Variants in EXOC1L observed in about 807,000 individuals in gnomAD.
EXOC1L encodes the protein exocyst complex component 1 like, also known as exocyst complex component 1-like.
In EXOC1L, 10 loss-of-function variants were observed where a neutral mutation model predicts 4.9. That is an observed-to-expected ratio of 2.02 (90% CI 1.25 to 3.43). The LOEUF (loss-of-function observed/expected upper bound fraction) is 3.43, where lower values mean the gene tolerates loss of function less well. EXOC1L is among the 30% of genes most tolerant of loss of function. The pLI is 0.00. For synonymous variants in EXOC1L, 41 were observed against 20.8 expected, an observed-to-expected ratio of 1.97 and a Z score of -2.63; for missense variants, 114 against 59.4, an observed-to-expected ratio of 1.92 and a Z score of -3.02.
intron 1 of EXOC1L, among the ~76,000 whole-genome samples, chr4:55,822,179 T>C (rs1054929615): frequency 2.0e-5 from 3 of 152,172 alleles, no homozygotes; most frequent in Non-Finnish European, 4.4e-5. Context: ...TTAACAAAAA[T>C]ATGTTTAAAT....
At chr4:55,829,822 A>G (rs1428899820) in intron 1 of EXOC1L, among the ~76,000 whole-genome samples, 1 of 152,178 alleles carries the variant, frequency 6.6e-6, no homozygotes, top group Non-Finnish European at 1.5e-5. Flanking sequence ...CCATCCAGAA[A>G]AGAGAATTCA....
intron 2 of EXOC1L, among the ~76,000 whole-genome samples, chr4:55,835,657 T>C (rs1470685589): frequency 6.6e-6 from 1 of 152,102 alleles, no homozygotes; most frequent in East Asian, 1.9e-4. Context: ...TATCTTCTTT[T>C]AAGAATTGCC....
At chr4:55,830,082 A>T (rs557592544) in intron 1 of EXOC1L, among the ~76,000 whole-genome samples, 1 of 152,194 alleles carries the variant, frequency 6.6e-6, no homozygotes, top group South Asian at 2.1e-4. Context: ...CCCATCTCAA[A>T]TTCTATTTCA....
intron 1 of EXOC1L, among the ~76,000 whole-genome samples, chr4:55,829,159 C>T (rs1404500285): frequency 1.3e-5 from 2 of 152,200 alleles, no homozygotes; most frequent in Non-Finnish European, 2.9e-5. Context: ...CCATGACCCA[C>T]ATCCCATGCC....
At chr4:55,832,739 T>C (rs1720066882) in intron 2 of EXOC1L, among the ~76,000 whole-genome samples, 1 of 152,060 alleles carries the variant, frequency 6.6e-6, no homozygotes, top group African/African-American at 2.4e-5. Context: ...ACATAGCTAT[T>C]AAGTGGTAGA....
At chr4:55,823,445 G>T (rs968064359) in intron 1 of EXOC1L, among the ~76,000 whole-genome samples, 1 of 152,082 alleles carries the variant, frequency 6.6e-6, no homozygotes, top group East Asian at 1.9e-4. Flanking sequence ...GTCTGGAAGA[G>T]GTTAGTTTAA....
intron 1 of EXOC1L, among the ~76,000 whole-genome samples, chr4:55,831,096 A>G (rs1265777556): frequency 1.3e-5 from 2 of 152,188 alleles, no homozygotes. Flanking sequence ...TATTTAACAG[A>G]CATTACTGTG....
At chr4:55,823,635 C>T (rs1719802127) in intron 1 of EXOC1L, among the ~76,000 whole-genome samples, 1 of 152,114 alleles carries the variant, frequency 6.6e-6, no homozygotes, top group Non-Finnish European at 1.5e-5. Flanking sequence ...ATTATAGAGC[C>T]AAACATAGTT....
At chr4:55,824,206 GA>G (rs888960249) in intron 1 of EXOC1L, among the ~76,000 whole-genome samples, 4 of 146,592 alleles carry the variant, frequency 2.7e-5, no homozygotes, top group South Asian at 4.6e-4. Flanking sequence ...TCTAAAGGTA[GA>G]AAAAAACACT....
chr4:55,827,790 T>C (rs1019682846), intron 1 of EXOC1L, among the ~76,000 whole-genome samples: 5 of 152,162 alleles, frequency 3.3e-5, no homozygotes, highest in African/African-American at 1.2e-4. Flanking sequence ...GGCATACAAC[T>C]GCCTCCTGGT....
Position 55,831,341 on chromosome 4 carries a change from AAAGG to A in EXOC1L, c.133_136del (p.Glu45LysfsTer2). ...TATTTTTCTGTCCTACAGTGACCAA[AAAGG>A]AAGAAGTAAAAATAGTCATGGTGAA... On this transcript the variant is annotated frameshift_variant, in exon 2 of 3. Transcript: ENST00000636125. LOFTEE classifies it high-confidence loss of function. 1 of 650,632 alleles carries A rather than the reference AAAGG, an allele frequency of 1.5e-6. No individual in the cohort carries two copies. The highest frequency in any genetic ancestry group is 2.7e-6 in the Non-Finnish European group (1 of 364,160). 40.3% of individuals were successfully genotyped at this position (650,632 alleles called of 1,614,324 possible). A position where few individuals can be genotyped will look rare whatever the true frequency, so the allele number is the denominator to read the frequency against.
chr4:55,821,220 A>G (rs1719728681), intron 1 of EXOC1L, among the ~76,000 whole-genome samples: 1 of 152,176 alleles, frequency 6.6e-6, no homozygotes, highest in Non-Finnish European at 1.5e-5. Flanking sequence ...CCCAATAATA[A>G]CATTAGAAAT....
chr4:55,827,943 CT>C (rs1159951027), intron 1 of EXOC1L, among the ~76,000 whole-genome samples: 1 of 152,104 alleles, frequency 6.6e-6, no homozygotes, highest in African/African-American at 2.4e-5. Flanking sequence ...GAGACGGAAA[CT>C]TTTTAGTGCT....
At chr4:55,833,185 A>C (rs1720076558) in intron 2 of EXOC1L, among the ~76,000 whole-genome samples, 1 of 151,912 alleles carries the variant, frequency 6.6e-6, no homozygotes, top group East Asian at 1.9e-4. Flanking sequence ...TATTTATATG[A>C]TAGAATATTA....
Position 55,837,267 on chromosome 4 carries a change from C to T in EXOC1L, c.435C>T (p.Asn145=). The T allele has an allele frequency of 1.4e-6, 1 of 700,338 alleles. No individual in the cohort carries two copies. The highest frequency in any genetic ancestry group is 2.6e-6 in the Non-Finnish European group (1 of 383,566). The allele number at this position is 700,338 out of a possible 1,614,324, so 43.4% of individuals were successfully genotyped here. Residue 145 remains asparagine (N), a synonymous_variant, in exon 3 of 3, where the codon AAC becomes AAT. Coordinates refer to ENST00000636125, the MANE Select transcript of EXOC1L (RefSeq NM_001351574.3). ...YINDDSIWSS[N]NKDCLVLMRI... is the part of the protein sequence containing the mutation. ...ACGATGATTCCATTTGGTCCTCCAA[C>T]AATAAGGATTGTTTGGTCCTTATGA...
intron 1 of EXOC1L, among the ~76,000 whole-genome samples, chr4:55,825,450 A>T (rs1000120129): frequency 1.1e-4 from 17 of 152,232 alleles, no homozygotes; most frequent in African/African-American, 4.1e-4. Context: ...CTTGCCCAAG[A>T]TAATCAGCTG....
chr4:55,830,894 G>A lies in EXOC1L; in HGVS notation c.122-440G>A, dbSNP rs553324480. Among the ~76,000 whole-genome samples the A allele has an allele frequency of 3.7e-4, 57 of 152,298 alleles. 1 individual carries two copies. In the South Asian group the frequency reaches 0.012, roughly 31 times the overall value. On this transcript the variant is annotated intron_variant, in intron 1 of 2. Coordinates refer to ENST00000636125, the MANE Select transcript of EXOC1L (RefSeq NM_001351574.3). ...TTGGTCACTTACTCTTCAACACTGTGTTGCTGTAAAGCAGTACTGTTTACT... is the reference window on the plus strand; with the variant it reads ...TTGGTCACTTACTCTTCAACACTGTATTGCTGTAAAGCAGTACTGTTTACT...
At chr4:55,836,182 T>A (rs930091360) in intron 2 of EXOC1L, among the ~76,000 whole-genome samples, 8 of 151,906 alleles carry the variant, frequency 5.3e-5, no homozygotes, top group African/African-American at 1.9e-4. Context: ...CCTGTTTGGT[T>A]GAGTCCTCTG....
chr4:55,827,078 A>T (rs1198626276), intron 1 of EXOC1L, among the ~76,000 whole-genome samples: 2 of 152,154 alleles, frequency 1.3e-5, no homozygotes, highest in Non-Finnish European at 2.9e-5. Flanking sequence ...TCCTTCAGTG[A>T]CAACTTCTCT....
Sources: allele counts gnomAD v4.1 joint callset (sites outside exome capture counted in the v4.1 genomes callset), GRCh38; gene constraint gnomAD v4.1.1; transcripts MANE v1.5; gene names NCBI Gene and HGNC (gene_info 2026-07-23, HGNC 2026-07-21).